Variants in ZNF385D observed in about 807,000 individuals in gnomAD.
ZNF385D encodes zinc finger protein 385D.
ZNF385D carries 15 observed loss-of-function variants against 35.8 expected under a neutral mutation model. That is an observed-to-expected ratio of 0.42 (90% CI 0.28 to 0.64). The LOEUF (loss-of-function observed/expected upper bound fraction) is 0.64, where lower values mean the gene tolerates loss of function less well. Ranked by LOEUF, ZNF385D falls within the 30% of genes least tolerant of loss-of-function variation. The probability of loss-of-function intolerance (pLI) is 0.23; values close to 1 mark genes in which losing one functional copy is unlikely to be tolerated. For synonymous variants in ZNF385D, 212 were observed against 186.8 expected (o/e 1.13, Z -1.10); for missense variants, 474 against 494.6 (o/e 0.96, Z 0.39).
At chr3:22,104,921 C>T (rs774749265) in intron 3 of ZNF385D, among the ~76,000 whole-genome samples, 40 of 152,218 alleles carry the variant, frequency 2.6e-4, no homozygotes, top group Admixed American at 4.6e-4. Context: ...TGCTGAAGAA[C>T]GGTCAATGTT....
chr3:21,843,126 G>T (rs1039836459), intron 3 of ZNF385D, among the ~76,000 whole-genome samples: 8 of 152,132 alleles, frequency 5.3e-5, no homozygotes, highest in Admixed American at 5.2e-4. Flanking sequence ...AATTGCAAGA[G>T]AATGTTCTTG....
At chr3:22,200,692 T>C (rs1696729128) in intron 2 of ZNF385D, among the ~76,000 whole-genome samples, 1 of 151,828 alleles carries the variant, frequency 6.6e-6, no homozygotes, top group South Asian at 2.1e-4. Flanking sequence ...GAGACTGGGG[T>C]CTATTTCACC....
intron 2 of ZNF385D, among the ~76,000 whole-genome samples, chr3:21,592,600 TCTG>T (rs1279350646): frequency 6.6e-6 from 1 of 151,520 alleles, no homozygotes; most frequent in Non-Finnish European, 1.5e-5. Flanking sequence ...TGTGTAATTT[TCTG>T]CTCTTTGAAA....
chr3:21,509,705 C>T (rs148432536), intron 4 of ZNF385D, among the ~76,000 whole-genome samples: 48 of 152,218 alleles, frequency 3.2e-4, no homozygotes, highest in African/African-American at 1.1e-3. Flanking sequence ...GACCAGTTGC[C>T]AGCATACAAA....
chr3:21,501,477 C>T lies in ZNF385D; in HGVS notation c.439+9384G>A, dbSNP rs372753958. On this transcript the variant is annotated intron_variant, in intron 4 of 7. Coordinates refer to ENST00000281523, the MANE Select transcript of ZNF385D (RefSeq NM_024697.3). The stretch of plus-strand genomic sequence containing the variant: ...TTGGGTTTTGTTTTTACAACGAACT[C>T]AGTAGAAACACTGTCTCCTGACTGC... Among the ~76,000 whole-genome samples, 10 of 152,182 alleles carry T rather than the reference C, an allele frequency of 6.6e-5. No individual in the cohort carries two copies. In the South Asian group the frequency reaches 1.7e-3, roughly 25 times the overall value.
At chr3:21,861,967 G>A (rs911383124) in intron 3 of ZNF385D, among the ~76,000 whole-genome samples, 7 of 152,054 alleles carry the variant, frequency 4.6e-5, no homozygotes, top group African/African-American at 1.7e-4. Flanking sequence ...CCTTGAAGAC[G>A]TAATCACATA....
chr3:21,815,172 A>G (rs964254848), intron 3 of ZNF385D, among the ~76,000 whole-genome samples: 3 of 152,212 alleles, frequency 2.0e-5, no homozygotes, highest in African/African-American at 4.8e-5. Context: ...TCTCTGGGAC[A>G]CATTTAAAGC....
intron 3 of ZNF385D, among the ~76,000 whole-genome samples, chr3:21,759,910 G>C (rs2070525230): frequency 6.6e-6 from 1 of 152,156 alleles, no homozygotes; most frequent in Non-Finnish European, 1.5e-5. Context: ...CAGAGAGACA[G>C]TGCAACTGAG....
At chr3:22,235,165 T>C (rs750998065) in intron 2 of ZNF385D, among the ~76,000 whole-genome samples, 1 of 152,032 alleles carries the variant, frequency 6.6e-6, no homozygotes. Flanking sequence ...ATTTTTTCTA[T>C]ATGAATCTGG....
At chr3:22,103,751 T>C (rs936762344) in intron 3 of ZNF385D, among the ~76,000 whole-genome samples, 3 of 144,214 alleles carry the variant, frequency 2.1e-5, no homozygotes, top group Non-Finnish European at 4.7e-5. Flanking sequence ...CACAACCTCC[T>C]GGTTGTGGCA....
chr3:21,841,377 T>G (rs1455763717), intron 3 of ZNF385D, among the ~76,000 whole-genome samples: 1 of 152,016 alleles, frequency 6.6e-6, no homozygotes, highest in Admixed American at 6.6e-5. Flanking sequence ...CTGAGATCCT[T>G]TGAATTCTCC....
chr3:22,281,888 TGG>T (rs2125381898), intron 2 of ZNF385D, among the ~76,000 whole-genome samples: 1 of 152,018 alleles, frequency 6.6e-6, no homozygotes, highest in Non-Finnish European at 1.5e-5. Flanking sequence ...TTGTTGGTGG[TGG>T]TGGTAACTTT....
intron 3 of ZNF385D, chr3:21,562,137 A>ATAAATACATAT (rs2062972759): frequency 6.6e-6 from 1 of 152,144 alleles, no homozygotes; most frequent in Non-Finnish European, 1.5e-5. Context: ...GTTGTCCCTA[A>ATAAATACATAT]TAAATACATA....
At chr3:21,886,868 G>C (rs896713143) in intron 3 of ZNF385D, among the ~76,000 whole-genome samples, 1 of 152,076 alleles carries the variant, frequency 6.6e-6, no homozygotes, top group African/African-American at 2.4e-5. Flanking sequence ...TGGTGTGATT[G>C]GATCAGCAGT....
At chr3:21,498,092 A>C (rs1298408493) in intron 4 of ZNF385D, among the ~76,000 whole-genome samples, 1 of 152,134 alleles carries the variant, frequency 6.6e-6, no homozygotes, top group African/African-American at 2.4e-5. Context: ...ATCTTCAACA[A>C]AATAAACAAA....
At chr3:21,827,270 T>C (rs1694701192) in intron 3 of ZNF385D, among the ~76,000 whole-genome samples, 2 of 152,198 alleles carry the variant, frequency 1.3e-5, no homozygotes, top group Admixed American at 6.5e-5. Context: ...ACAGCTTCCC[T>C]GGATATTGTT....
At chr3:21,963,629 C>G (rs987943162) in intron 3 of ZNF385D, among the ~76,000 whole-genome samples, 1 of 152,142 alleles carries the variant, frequency 6.6e-6, no homozygotes, top group East Asian at 1.9e-4. Context: ...GACAGTTTCT[C>G]CATTCATACG....
intron 2 of ZNF385D, among the ~76,000 whole-genome samples, chr3:22,325,202 G>C (rs1169592459): frequency 1.3e-5 from 2 of 152,142 alleles, no homozygotes; most frequent in Admixed American, 6.5e-5. Context: ...AGTTTTATTA[G>C]ATAACTGTTC....
chr3:22,292,212 A>G (rs751857975), intron 2 of ZNF385D, among the ~76,000 whole-genome samples: 1 of 152,068 alleles, frequency 6.6e-6, no homozygotes, highest in African/African-American at 2.4e-5. Context: ...GACTTCCTTT[A>G]TTTTTTAAAA....
Sources: allele counts gnomAD v4.1 joint callset (sites outside exome capture counted in the v4.1 genomes callset), GRCh38; gene constraint gnomAD v4.1.1; transcripts MANE v1.5; gene names NCBI Gene and HGNC (gene_info 2026-07-23, HGNC 2026-07-21).